The following RYR2 variants were observed in gnomAD, a reference collection of about 807,000 sequenced individuals.
RYR2 encodes cardiac muscle ryanodine receptor-calcium release channel.
A neutral mutation model predicts 601.1 loss-of-function variants in RYR2; 227 were observed. The ratio of observed to expected loss-of-function variants is 0.38; its 90% CI spans 0.34 to 0.42. RYR2 has a LOEUF of 0.42. Among genes scored for constraint, RYR2 ranks in the 10% least tolerant of loss-of-function variants. The pLI is 1.00. For synonymous variants in RYR2, 2,223 were observed against 2,175.1 expected (o/e 1.02, Z -0.61); for missense variants, 4,646 against 6,156.5 (o/e 0.75, Z 8.21).
chr1:237,793,135 A>G (rs1317355513), intron 94 of RYR2, among the ~76,000 whole-genome samples: 1 of 152,188 alleles, frequency 6.6e-6, no homozygotes, highest in East Asian at 1.9e-4. Context: ...GCCTCTGGTT[A>G]TAAATCTTGC....
chr1:237,393,133 G>A (rs1263185173), intron 10 of RYR2, among the ~76,000 whole-genome samples: 1 of 152,160 alleles, frequency 6.6e-6, no homozygotes, highest in East Asian at 1.9e-4. Context: ...TGACGGAGAG[G>A]TGGGGAGAGA....
chr1:237,114,176 GAGTAGAGAAAAGTCAAA>G (rs1409624653), intron 1 of RYR2, among the ~76,000 whole-genome samples: 30 of 152,296 alleles, frequency 2.0e-4, no homozygotes, highest in African/African-American at 6.0e-4. Context: ...GGGGATTAGA[GAGTAGAGAAAAGTCAAA>G]GAACCAGGGA....
chr1:237,197,481 TATTG>T (rs543737892), intron 1 of RYR2, among the ~76,000 whole-genome samples: 24 of 152,364 alleles, frequency 1.6e-4, no homozygotes, highest in African/African-American at 5.3e-4. Flanking sequence ...AATATTCAGA[TATTG>T]AGGCAAAGAC....
intron 73 of RYR2, among the ~76,000 whole-genome samples, chr1:237,722,047 T>A (rs1008447682): frequency 6.6e-6 from 1 of 152,238 alleles, no homozygotes; most frequent in Admixed American, 6.5e-5. Flanking sequence ...TCTATTGATT[T>A]ATATAATTTA....
At chr1:237,363,888 G>A (rs538229610) in intron 4 of RYR2, among the ~76,000 whole-genome samples, 11 of 152,204 alleles carry the variant, frequency 7.2e-5, no homozygotes, top group African/African-American at 2.6e-4. Flanking sequence ...AACGAGAGCC[G>A]CTCATTGCAG....
At chr1:237,831,487 T>A in intron 103 of RYR2, 27 bp from the exon 104 acceptor site, 1 of 1,316,650 alleles carries the variant, frequency 7.6e-7, no homozygotes, top group Non-Finnish European at 1.1e-6. Context: ...TACCGTTCAT[T>A]TCTGATCAGT....
chr1:237,163,196 C>A (rs998118994), intron 1 of RYR2, among the ~76,000 whole-genome samples: 17 of 152,174 alleles, frequency 1.1e-4, no homozygotes, highest in Non-Finnish European at 2.5e-4. Context: ...TCTAAGATAC[C>A]TGCAACCCCA....
chr1:237,792,366 T>TGTGTGTGTGCGC (rs1553327291), intron 94 of RYR2, 43 bp downstream of exon 94: 25 of 805,182 alleles, frequency 3.1e-5, no homozygotes, highest in Admixed American at 5.6e-5. Flanking sequence ...TGTGTGTGTG[T>TGTGTGTGTGCGC]GTGTGTGTGT....
rs183640845 is a variant in RYR2, at chr1:237,605,284, A to G, written c.4683+3173A>G. ...TGGTTCAACATACACAAATTAATAA[A>G]CGTAATCCAGCATATAAACAGAACC... On this transcript the variant is annotated intron_variant, in intron 35 of 104. Coordinates refer to ENST00000366574, the MANE Select transcript of RYR2 (RefSeq NM_001035.3). Among the ~76,000 whole-genome samples, 880 of 152,302 alleles carry G rather than the reference A, an allele frequency of 5.8e-3. 9 individuals carry two copies. The highest frequency in any genetic ancestry group is 0.02 in the African/African-American group (831 of 41,558).
intron 1 of RYR2, among the ~76,000 whole-genome samples, chr1:237,150,498 C>T (rs2148811979): frequency 6.6e-6 from 1 of 152,230 alleles, no homozygotes; most frequent in African/African-American, 2.4e-5. Flanking sequence ...TGGAAAGCCC[C>T]TGAAGACAGA....
chr1:237,220,258 C>T (rs1021714105), intron 1 of RYR2, among the ~76,000 whole-genome samples: 1 of 152,230 alleles, frequency 6.6e-6, no homozygotes, highest in African/African-American at 2.4e-5. Flanking sequence ...GGAATTCACT[C>T]TCTCTGCTTT....
At chr1:237,341,358 T>C (rs1429952104) in intron 3 of RYR2, among the ~76,000 whole-genome samples, 1 of 152,194 alleles carries the variant, frequency 6.6e-6, no homozygotes, top group Non-Finnish European at 1.5e-5. Context: ...CATTTTTCTT[T>C]TTTGAGATAG....
intron 1 of RYR2, among the ~76,000 whole-genome samples, chr1:237,235,085 A>G (rs1685425556): frequency 6.6e-6 from 1 of 152,130 alleles, no homozygotes. Context: ...CTTCTGACTG[A>G]TTGTTGAAGG....
At chr1:237,609,879 A>T (rs1258000569) in intron 35 of RYR2, among the ~76,000 whole-genome samples, 2 of 152,166 alleles carry the variant, frequency 1.3e-5, no homozygotes, top group Admixed American at 6.5e-5. Flanking sequence ...ATATGAGGGC[A>T]GGGGTTTTGT....
intron 10 of RYR2, among the ~76,000 whole-genome samples, chr1:237,390,587 G>C (rs1702295941): frequency 6.6e-6 from 1 of 152,036 alleles, no homozygotes; most frequent in African/African-American, 2.4e-5. Context: ...AAAGTTTGAG[G>C]GACTCTGGGC....
intron 1 of RYR2, among the ~76,000 whole-genome samples, chr1:237,089,475 A>G (rs897726556): frequency 6.6e-6 from 1 of 152,248 alleles, no homozygotes; most frequent in Non-Finnish European, 1.5e-5. Context: ...GTGAGTCAGT[A>G]AGAGGTAACC....
chr1:237,793,787 A>G, intron 94 of RYR2, 80 bp from the exon 95 acceptor site: 1 of 1,083,598 alleles, frequency 9.2e-7, no homozygotes, highest in Non-Finnish European at 1.4e-6. Flanking sequence ...TCTTTCCAAA[A>G]GCTGTTTTGT....
At chr1:237,814,526 T>C (rs1574064572) in intron 100 of RYR2, among the ~76,000 whole-genome samples, 1 of 151,324 alleles carries the variant, frequency 6.6e-6, no homozygotes, top group East Asian at 2.0e-4. Context: ...GCGCCATAGC[T>C]GCAGTGTTAT....
intron 25 of RYR2, among the ~76,000 whole-genome samples, chr1:237,531,180 A>T (rs1668104781): frequency 6.6e-6 from 1 of 152,178 alleles, no homozygotes; most frequent in East Asian, 1.9e-4. Context: ...TACAATAAAA[A>T]TATATTCGAG....
Sources: gnomAD v4.1 joint callset for allele counts (sites outside exome capture counted in the v4.1 genomes callset) on GRCh38, gnomAD v4.1.1 for gene constraint, MANE v1.5 for transcripts, NCBI Gene and HGNC (gene_info 2026-07-23, HGNC 2026-07-21) for gene names.